DCAF17: variants seen among roughly 807,000 people sequenced by gnomAD.
DCAF17 encodes DDB1- and CUL4-associated factor 17.
DCAF17 carries 48 observed loss-of-function variants against 66.0 expected under a neutral mutation model. The ratio of observed to expected loss-of-function variants is 0.73; its 90% CI spans 0.58 to 0.92. DCAF17 has a LOEUF of 0.92. DCAF17 is among the 40% of genes least tolerant of loss of function. DCAF17 has a pLI of 0.00. For synonymous variants in DCAF17, 206 were observed against 214.6 expected (o/e 0.96, Z 0.35); for missense variants, 562 against 622.8 (o/e 0.90, Z 1.04).
chr2:171,458,096 T>C (rs1442225598), intron 7 of DCAF17, 21 bp downstream of exon 7: 7 of 1,597,290 alleles, frequency 4.4e-6, no homozygotes, highest in Non-Finnish European at 6.0e-6. Flanking sequence ...CTGAAATTTG[T>C]CATGTTACTA....
At position 171,484,069 on chromosome 2, in the gene DCAF17, GA is replaced by G. The variant is rs1305117016; in HGVS notation, c.*2959del. 1 of 453,910 alleles carries G rather than the reference GA, an allele frequency of 2.2e-6. No homozygotes were observed. Among genetic ancestry groups the G allele is most frequent in the Non-Finnish European group, 4.4e-6 (1 of 226,778 alleles). 28.1% of individuals were successfully genotyped at this position (453,910 alleles called of 1,614,324 possible). Reference sequence around the variant, plus strand: ...GATACAAGTCACACATAAATTGACAGAAAATGTAGTTCTTCATTCAATGGTT... The same window carrying G: ...GATACAAGTCACACATAAATTGACAGAAATGTAGTTCTTCATTCAATGGTT... On this transcript the variant is annotated 3_prime_UTR_variant, in exon 14 of 14. Coordinates refer to ENST00000375255, the MANE Select transcript of DCAF17 (RefSeq NM_025000.4).
chr2:171,469,736 G>T (rs979213026), intron 9 of DCAF17, among the ~76,000 whole-genome samples: 2 of 152,188 alleles, frequency 1.3e-5, no homozygotes, highest in Non-Finnish European at 2.9e-5. Context: ...TACAGTGATT[G>T]TGATAAGTGC....
intron 8 of DCAF17, 49 bp downstream of exon 8, chr2:171,458,526 A>G (rs754191203): frequency 5.8e-6 from 8 of 1,369,270 alleles, no homozygotes; most frequent in Middle Eastern, 1.9e-4. Context: ...TTAAGTGGTC[A>G]TATAAATAGT....
Position 171,485,028 on chromosome 2 carries a change from A to T in DCAF17, c.*3914A>T, listed in dbSNP as rs1331677588. ...GCTTGTTTTTTACTGTTATGAATAAAGCTGCTATGAACATTCTTAGACAAT... is the reference window on the plus strand; with the variant it reads ...GCTTGTTTTTTACTGTTATGAATAATGCTGCTATGAACATTCTTAGACAAT... On this transcript the variant is annotated 3_prime_UTR_variant, in exon 14 of 14. Coordinates refer to ENST00000375255, the MANE Select transcript of DCAF17 (RefSeq NM_025000.4). 1.5e-5 allele frequency: 7 copies of T among 453,396 alleles called. No individual in the cohort carries two copies. The highest frequency in any genetic ancestry group is 1.4e-4 in the Admixed American group (6 of 42,438). The allele number at this position is 453,396 out of a possible 1,614,324, so 28.1% of individuals were successfully genotyped here.
intron 6 of DCAF17, among the ~76,000 whole-genome samples, chr2:171,456,534 G>T (rs1695272699): frequency 6.6e-6 from 1 of 152,196 alleles, no homozygotes; most frequent in Non-Finnish European, 1.5e-5. Context: ...CTAGTTCTGT[G>T]AAGAACATCA....
At chr2:171,438,796 G>T (rs1218864295) in intron 2 of DCAF17, among the ~76,000 whole-genome samples, 2 of 151,994 alleles carry the variant, frequency 1.3e-5, no homozygotes, top group Non-Finnish European at 2.9e-5. Context: ...GAGTGCAGTG[G>T]CACAATCATA....
At chr2:171,445,803 C>G (rs1009365613) in intron 3 of DCAF17, among the ~76,000 whole-genome samples, 1 of 152,092 alleles carries the variant, frequency 6.6e-6, no homozygotes, top group Non-Finnish European at 1.5e-5. Flanking sequence ...CCACCTTGGC[C>G]TCCTAAGTAG....
chr2:171,438,270 G>T (rs1694083119), intron 2 of DCAF17, among the ~76,000 whole-genome samples: 1 of 152,160 alleles, frequency 6.6e-6, no homozygotes, highest in African/African-American at 2.4e-5. Flanking sequence ...GTCTTTTATG[G>T]CTCAGAATGT....
intron 1 of DCAF17, 129 bp from the exon 2 acceptor site, chr2:171,434,954 G>A (rs894615003): frequency 1.1e-5 from 11 of 996,162 alleles, no homozygotes; most frequent in Non-Finnish European, 1.6e-5. Flanking sequence ...CAAAACATGA[G>A]GGCAGAGTGG....
intron 12 of DCAF17, 125 bp from the exon 13 acceptor site, chr2:171,479,913 A>G (rs914779784): frequency 2.9e-5 from 30 of 1,038,622 alleles, no homozygotes; most frequent in Admixed American, 6.5e-5. Flanking sequence ...TATTCTTCCC[A>G]TTCATTCATT....
At chr2:171,473,735 A>G (rs1445822065) in intron 9 of DCAF17, 131 bp from the exon 10 acceptor site, 1 of 730,236 alleles carries the variant, frequency 1.4e-6, no homozygotes, top group East Asian at 2.7e-5. Context: ...CCTCAAATAT[A>G]TTCCACTTTA....
At chr2:171,456,074 T>G (rs908234033) in intron 6 of DCAF17, among the ~76,000 whole-genome samples, 1 of 152,252 alleles carries the variant, frequency 6.6e-6, no homozygotes, top group Non-Finnish European at 1.5e-5. Flanking sequence ...GTTTTCATCA[T>G]GAAATCTTTG....
intron 8 of DCAF17, among the ~76,000 whole-genome samples, chr2:171,462,016 T>C (rs898503765): frequency 3.3e-5 from 5 of 152,216 alleles, no homozygotes; most frequent in African/African-American, 1.2e-4. Context: ...GATGTTAATA[T>C]ATTATGAGTA....
chr2:171,471,146 CA>C (rs1393249330), intron 9 of DCAF17, among the ~76,000 whole-genome samples: 2 of 152,194 alleles, frequency 1.3e-5, no homozygotes, highest in Non-Finnish European at 2.9e-5. Flanking sequence ...ATCTATATTT[CA>C]GCATACTCTT....
intron 12 of DCAF17, among the ~76,000 whole-genome samples, chr2:171,478,922 A>G (rs932599907): frequency 6.6e-6 from 1 of 152,190 alleles, no homozygotes; most frequent in African/African-American, 2.4e-5. Flanking sequence ...AAGGTAGCAT[A>G]ATTCATTAAG....
chr2:171,453,149 T>A lies in DCAF17; in HGVS notation c.563T>A (p.Leu188Gln), dbSNP rs1695051745. ...RQAGIQQHVL[L>Q]YLAVFRVLPF... ...GCAGGCATTCAACAACATGTTTTGC[T>A]GTACCTTGCAGTGTTCCGAGTTCTA... Residue 188 changes from leucine (L) to glutamine (Q), a missense_variant, in exon 6 of 14, where the codon CTG becomes CAG. Transcript: ENST00000375255. The A allele has an allele frequency of 1.2e-6, 2 of 1,611,690 alleles. No individual in the cohort carries two copies. Among genetic ancestry groups the A allele is most frequent in the African/African-American group, 2.7e-5 (2 of 74,892 alleles).
intron 9 of DCAF17, among the ~76,000 whole-genome samples, chr2:171,472,458 C>T (rs962696701): frequency 1.3e-5 from 2 of 152,216 alleles, no homozygotes; most frequent in African/African-American, 4.8e-5. Context: ...GGATTACAGG[C>T]GTAAGCCACT....
chr2:171,476,036 T>G (rs1696482165), intron 10 of DCAF17, among the ~76,000 whole-genome samples: 1 of 152,170 alleles, frequency 6.6e-6, no homozygotes, highest in Non-Finnish European at 1.5e-5. Context: ...TTTAAAAATA[T>G]TGCCACTAAA....
intron 2 of DCAF17, among the ~76,000 whole-genome samples, chr2:171,439,061 G>A (rs1694139540): frequency 6.6e-6 from 1 of 151,782 alleles, no homozygotes; most frequent in Admixed American, 6.6e-5. Flanking sequence ...TTGCTCTTAT[G>A]CTCTCTGAAG....
Sources: gnomAD v4.1 joint callset for allele counts (sites outside exome capture counted in the v4.1 genomes callset) on GRCh38, gnomAD v4.1.1 for gene constraint, MANE v1.5 for transcripts, NCBI Gene and HGNC (gene_info 2026-07-23, HGNC 2026-07-21) for gene names.